The following INPP4B variants were observed in gnomAD, a reference collection of about 807,000 sequenced individuals.
INPP4B encodes inositol polyphosphate 4-phosphatase type II.
INPP4B carries 55 observed loss-of-function variants against 122.5 expected under a neutral mutation model. The observed-to-expected ratio is 0.45, with a 90% CI of 0.36 to 0.56. The LOEUF (loss-of-function observed/expected upper bound fraction) is 0.56. INPP4B is among the 20% of genes least tolerant of loss of function. INPP4B has a pLI of 0.00. For synonymous variants in INPP4B, 403 were observed against 388.7 expected, an observed-to-expected ratio of 1.04 and a Z score of -0.43; for missense variants, 1,000 against 1,097.7, an observed-to-expected ratio of 0.91 and a Z score of 1.26.
chr4:142,328,298 A>C (rs951251052), intron 7 of INPP4B, among the ~76,000 whole-genome samples: 2 of 151,926 alleles, frequency 1.3e-5, no homozygotes, highest in Non-Finnish European at 2.9e-5. Context: ...TCTTTACTAC[A>C]ATAAACTAAC....
At chr4:142,305,066 A>G (rs1762834567) in intron 9 of INPP4B, among the ~76,000 whole-genome samples, 1 of 152,186 alleles carries the variant, frequency 6.6e-6, no homozygotes, top group South Asian at 2.1e-4. Flanking sequence ...CTCTATTATC[A>G]TAAAACTACA....
intron 23 of INPP4B, among the ~76,000 whole-genome samples, chr4:142,092,235 T>C (rs336292): frequency 6.6e-6 from 1 of 152,062 alleles, no homozygotes. Flanking sequence ...TAGGATAAAA[T>C]TAACATAAGA....
chr4:142,366,995 T>A (rs1787742520), intron 7 of INPP4B, among the ~76,000 whole-genome samples: 1 of 152,070 alleles, frequency 6.6e-6, no homozygotes, highest in Admixed American at 6.6e-5. Flanking sequence ...ACCCAAAGAA[T>A]GTGATCAGTA....
chr4:142,103,058 C>A (rs996284315), intron 23 of INPP4B, among the ~76,000 whole-genome samples: 2 of 152,096 alleles, frequency 1.3e-5, no homozygotes, highest in Non-Finnish European at 2.9e-5. Flanking sequence ...GCATTCTCTC[C>A]TTAATTGCCT....
chr4:142,030,296 T>C (rs1739000426), intron 25 of INPP4B: 3 of 1,534,986 alleles, frequency 2.0e-6, no homozygotes, highest in Non-Finnish European at 1.7e-6. Flanking sequence ...CTCCCTGGGT[T>C]TGTCTGCTGT....
chr4:142,786,248 T>A (rs1288364981), intron 1 of INPP4B, among the ~76,000 whole-genome samples: 1 of 151,966 alleles, frequency 6.6e-6, no homozygotes, highest in African/African-American at 2.4e-5. Flanking sequence ...TCCAAGTAAG[T>A]AAGAAAGTGC....
chr4:142,466,563 C>G (rs886572506), intron 2 of INPP4B, among the ~76,000 whole-genome samples: 2 of 152,150 alleles, frequency 1.3e-5, no homozygotes, highest in African/African-American at 4.8e-5. Context: ...AAATTTGCAG[C>G]CTGACCATGT....
chr4:142,263,639 A>ATATATATATATAT (rs1741226592), intron 10 of INPP4B, among the ~76,000 whole-genome samples: 1 of 41,808 alleles, frequency 2.4e-5, no homozygotes, highest in Non-Finnish European at 6.2e-5. Context: ...AAATTCGTAA[A>ATATATATATATAT]ATATATATAT....
chr4:142,244,749 TG>T (rs1162935517), intron 11 of INPP4B, among the ~76,000 whole-genome samples: 9 of 152,228 alleles, frequency 5.9e-5, no homozygotes, highest in African/African-American at 1.7e-4. Context: ...TACTCAATAA[TG>T]GGATTGCTGG....
At chr4:142,203,003 A>G (rs1213475571) in intron 14 of INPP4B, among the ~76,000 whole-genome samples, 1 of 152,116 alleles carries the variant, frequency 6.6e-6, no homozygotes, top group Non-Finnish European at 1.5e-5. Flanking sequence ...CTAGAACACA[A>G]TTAGAGTTAA....
intron 1 of INPP4B, among the ~76,000 whole-genome samples, chr4:142,736,150 C>A (rs1766852618): frequency 6.6e-6 from 1 of 152,132 alleles, no homozygotes; most frequent in African/African-American, 2.4e-5. Context: ...CCAAGCTCCA[C>A]CCCAGACCAG....
chr4:142,674,230 T>C (rs1757401847), intron 2 of INPP4B, among the ~76,000 whole-genome samples: 1 of 152,116 alleles, frequency 6.6e-6, no homozygotes. Context: ...GCAGGATCAT[T>C]TCCAAGAGTA....
chr4:142,148,237 GTGTT>G (rs1467215691), intron 17 of INPP4B, among the ~76,000 whole-genome samples: 3 of 152,072 alleles, frequency 2.0e-5, no homozygotes, highest in African/African-American at 4.8e-5. Context: ...ACTTGTGTGT[GTGTT>G]TGTGTGTGTG....
intron 7 of INPP4B, among the ~76,000 whole-genome samples, chr4:142,380,247 T>C (rs1793610726): frequency 6.6e-6 from 1 of 152,194 alleles, no homozygotes; most frequent in Non-Finnish European, 1.5e-5. Context: ...CTTTAAAGTT[T>C]CCCCTAGTTA....
chr4:142,781,499 G>T (rs1011527207), intron 1 of INPP4B, among the ~76,000 whole-genome samples: 2 of 152,116 alleles, frequency 1.3e-5, no homozygotes, highest in Non-Finnish European at 1.5e-5. Context: ...CTTAAGAAGT[G>T]ATTAGTTTCC....
At chr4:142,746,160 TG>T (rs1328357975) in intron 1 of INPP4B, among the ~76,000 whole-genome samples, 2 of 151,874 alleles carry the variant, frequency 1.3e-5, no homozygotes, top group African/African-American at 4.8e-5. Context: ...TAAAAACACA[TG>T]GGATATTCAT....
chr4:142,322,564 T>G (rs1030545526), intron 7 of INPP4B, among the ~76,000 whole-genome samples: 4 of 152,186 alleles, frequency 2.6e-5, no homozygotes, highest in African/African-American at 4.8e-5. Context: ...TTCAACGGAT[T>G]GAAAAAATTC....
At chr4:142,648,908 C>A (rs185487949) in intron 2 of INPP4B, among the ~76,000 whole-genome samples, 9 of 152,324 alleles carry the variant, frequency 5.9e-5, no homozygotes, top group Admixed American at 5.9e-4. Flanking sequence ...GGGTTCCTGA[C>A]ACCTGTGTAG....
At chr4:142,504,247 G>A (rs773549740) in intron 2 of INPP4B, among the ~76,000 whole-genome samples, 1 of 151,748 alleles carries the variant, frequency 6.6e-6, no homozygotes, top group African/African-American at 2.4e-5. Context: ...AGTTCACAGA[G>A]GAAAAAAAGA....
Sources: allele counts gnomAD v4.1 joint callset (sites outside exome capture counted in the v4.1 genomes callset), GRCh38; gene constraint gnomAD v4.1.1; transcripts MANE v1.5; gene names NCBI Gene and HGNC (gene_info 2026-07-23, HGNC 2026-07-21).